The following AGFG1 variants were observed in gnomAD, a reference collection of about 807,000 sequenced individuals.
The protein encoded by AGFG1 is ArfGAP with FG repeats 1.
In AGFG1, 10 loss-of-function variants were observed where a neutral mutation model predicts 60.6. That is an observed-to-expected ratio of 0.16 (90% CI 0.10 to 0.28). The LOEUF (loss-of-function observed/expected upper bound fraction) is 0.28. Ranked by LOEUF, AGFG1 falls within the 10% of genes least tolerant of loss-of-function variation. The pLI is 1.00. For missense variants in AGFG1, 537 were observed against 676.5 expected (o/e 0.79, Z 2.29); for synonymous variants, 247 against 242.9 (o/e 1.02, Z -0.16).
At chr2:227,487,872 T>C (rs961705130) in intron 1 of AGFG1, among the ~76,000 whole-genome samples, 16 of 152,216 alleles carry the variant, frequency 1.1e-4, no homozygotes, top group Non-Finnish European at 5.9e-5. Context: ...GTAAAATCCA[T>C]GTACAAAGCT....
intron 2 of AGFG1, among the ~76,000 whole-genome samples, chr2:227,506,900 A>G (rs187790102): frequency 1.3e-5 from 2 of 152,290 alleles, no homozygotes; most frequent in African/African-American, 2.4e-5. Flanking sequence ...CCAGTTACCT[A>G]TAAACCGGTG....
At chr2:227,498,703 A>G (rs1198835901) in intron 2 of AGFG1, among the ~76,000 whole-genome samples, 1 of 152,242 alleles carries the variant, frequency 6.6e-6, no homozygotes, top group Admixed American at 6.5e-5. Context: ...TGAACATATC[A>G]TAATCCGTGG....
At chr2:227,480,622 C>T (rs1690429269) in intron 1 of AGFG1, among the ~76,000 whole-genome samples, 1 of 149,096 alleles carries the variant, frequency 6.7e-6, no homozygotes, top group Non-Finnish European at 1.5e-5. Flanking sequence ...TTTCTGGGTA[C>T]TTTTATAATC....
chr2:227,498,897 TTG>T (rs552462649), intron 2 of AGFG1, among the ~76,000 whole-genome samples: 23 of 152,358 alleles, frequency 1.5e-4, no homozygotes, highest in Admixed American at 5.2e-4. Flanking sequence ...TTTCTTGCCA[TTG>T]TGTGTTATCT....
intron 4 of AGFG1, among the ~76,000 whole-genome samples, chr2:227,524,292 A>G (rs1183753086): frequency 6.6e-6 from 1 of 152,114 alleles, no homozygotes; most frequent in Non-Finnish European, 1.5e-5. Flanking sequence ...TCTTTGATAC[A>G]CTTTTCTAGG....
chr2:227,479,689 C>A (rs1690398190), intron 1 of AGFG1, among the ~76,000 whole-genome samples: 1 of 152,162 alleles, frequency 6.6e-6, no homozygotes, highest in East Asian at 1.9e-4. Flanking sequence ...TTTTCTAATT[C>A]AAATCAAAGT....
intron 5 of AGFG1, among the ~76,000 whole-genome samples, chr2:227,529,719 T>A (rs1333590718): frequency 6.6e-6 from 1 of 152,122 alleles, no homozygotes; most frequent in Non-Finnish European, 1.5e-5. Flanking sequence ...TTGATTTTTG[T>A]CACATTCTAT....
rs57350752 is a variant in AGFG1 at position 227,531,526 on chromosome 2, T to TC, written c.814+316_814+317insC. Reference sequence around the variant, plus strand: ...ATAAGTATTTCTCTCTCTCTGTCTCTTTTTTTTTTTTTTTGGCAATCCTCC... The same window carrying TC: ...ATAAGTATTTCTCTCTCTCTGTCTCTCTTTTTTTTTTTTTTGGCAATCCTCC... On this transcript the variant is annotated intron_variant, in intron 6 of 12. Transcript: ENST00000310078. 0.013 allele frequency among the ~76,000 whole-genome samples: 221 copies of TC among 17,144 alleles called. 6 individuals are homozygous for TC. In the South Asian group the frequency reaches 0.27, roughly 21 times the overall value. 11.2% of individuals were successfully genotyped at this position (17,144 alleles called of 152,430 possible).
intron 2 of AGFG1, among the ~76,000 whole-genome samples, chr2:227,514,684 C>T (rs1691602846): frequency 6.6e-6 from 1 of 152,118 alleles, no homozygotes. Context: ...TTCCCTTGTC[C>T]AAGCTCATTA....
chr2:227,505,663 G>A (rs1420616895), intron 2 of AGFG1, among the ~76,000 whole-genome samples: 1 of 151,902 alleles, frequency 6.6e-6, no homozygotes, highest in South Asian at 2.1e-4. Context: ...CCATTTCTCT[G>A]CTCAGATTTT....
chr2:227,480,189 T>G (rs763091660), intron 1 of AGFG1, among the ~76,000 whole-genome samples: 1 of 152,180 alleles, frequency 6.6e-6, no homozygotes. Context: ...AAGAAAAGAT[T>G]AGACAGTGGG....
intron 6 of AGFG1, chr2:227,532,073 TC>T: frequency 1.5e-6 from 2 of 1,332,812 alleles, no homozygotes; most frequent in Non-Finnish European, 2.0e-6. Flanking sequence ...TAAAGCCTTT[TC>T]TTTCAATTTT....
intron 2 of AGFG1, among the ~76,000 whole-genome samples, chr2:227,497,397 G>C (rs1279721543): frequency 1.3e-5 from 2 of 152,070 alleles, no homozygotes; most frequent in Non-Finnish European, 2.9e-5. Context: ...TTTTCCACAT[G>C]TGCTATCTGT....
At chr2:227,516,679 G>C (rs567682351) in intron 2 of AGFG1, among the ~76,000 whole-genome samples, 1 of 152,276 alleles carries the variant, frequency 6.6e-6, no homozygotes, top group Non-Finnish European at 1.5e-5. Context: ...TTTGCGTTAC[G>C]AGTGCCAAGA....
intron 1 of AGFG1, among the ~76,000 whole-genome samples, chr2:227,490,651 A>G (rs940498162): frequency 2.0e-5 from 3 of 152,032 alleles, no homozygotes; most frequent in African/African-American, 7.2e-5. Context: ...GTCAGAGAAC[A>G]TGACCCCAAA....
At chr2:227,500,104 A>T (rs1463131996) in intron 2 of AGFG1, among the ~76,000 whole-genome samples, 1 of 152,174 alleles carries the variant, frequency 6.6e-6, no homozygotes, top group African/African-American at 2.4e-5. Flanking sequence ...ATGAGCTGGT[A>T]AGAAGAAAAC....
intron 7 of AGFG1, 150 bp downstream of exon 7, chr2:227,533,908 T>C (rs1692232046): frequency 1.4e-6 from 1 of 697,188 alleles, no homozygotes; most frequent in Non-Finnish European, 2.4e-6. Flanking sequence ...AATGTTCACT[T>C]GACACATTTT....
At chr2:227,539,087 A>G (rs10933191) in intron 10 of AGFG1, among the ~76,000 whole-genome samples, 23,444 of 152,220 alleles carry the variant, frequency 0.15, 1,929 homozygotes, top group Middle Eastern at 0.2. Context: ...TACGCTTAAG[A>G]ATTTCCAGTG....
chr2:227,535,093 TA>T (rs1692268326), intron 8 of AGFG1, 68 bp downstream of exon 8: 2 of 1,374,808 alleles, frequency 1.5e-6, no homozygotes, highest in Non-Finnish European at 9.5e-7. Flanking sequence ...AATAATCAAT[TA>T]AAAAATGACT....
Sources: gnomAD v4.1 joint callset for allele counts (sites outside exome capture counted in the v4.1 genomes callset) on GRCh38, gnomAD v4.1.1 for gene constraint, MANE v1.5 for transcripts, NCBI Gene and HGNC (gene_info 2026-07-23, HGNC 2026-07-21) for gene names.